BUB3: variants seen among roughly 807,000 people sequenced by gnomAD.
BUB3 encodes the protein mitotic checkpoint protein BUB3.
In BUB3, 22 loss-of-function variants were observed where a neutral mutation model predicts 39.9. That is an observed-to-expected ratio of 0.55 (90% CI 0.39 to 0.79). BUB3 has a LOEUF of 0.79. BUB3 is among the 30% of genes least tolerant of loss of function. The probability of loss-of-function intolerance (pLI) is 0.00; values close to 1 mark genes in which losing one functional copy is unlikely to be tolerated. For missense variants in BUB3, 303 were observed against 415.4 expected (o/e 0.73, Z 2.35); for synonymous variants, 168 against 155.1 (o/e 1.08, Z -0.62).
chr10:123,155,668 A>C lies in BUB3; in HGVS notation c.206A>C (p.His69Pro). The change falls in exon 3 of 8, where the codon CAT becomes CCT. Residue 69 changes from histidine (H) to proline (P), a missense_variant. Physicochemically the swap from His to Pro is moderately conservative, Grantham distance 77 (BLOSUM62 -2). This residue lies in a region of BUB3 where 121 missense variants were observed against 122.3 expected (regional missense o/e 0.99). Coordinates refer to ENST00000368865, the MANE Select transcript of BUB3 (RefSeq NM_004725.4). ...VLDCAFYDPTHAWSGGLDHQL... is the reference protein window; with the variant it reads ...VLDCAFYDPTPAWSGGLDHQL... ...AAAACTATTTTATAGGATCCAACGC[A>C]TGCCTGGAGTGGAGGACTAGATCAT... 1 of 1,614,110 alleles carries C rather than the reference A, an allele frequency of 6.2e-7. No homozygotes were observed. Among genetic ancestry groups the C allele is most frequent in the Non-Finnish European group, 8.5e-7 (1 of 1,179,950 alleles).
At position 123,165,290 on chromosome 10, in the gene BUB3, A is replaced by G. The variant is rs576293332; in HGVS notation, c.*1455A>G. 1 of 463,466 alleles carries G rather than the reference A, an allele frequency of 2.2e-6. No homozygotes were observed. Among genetic ancestry groups the G allele is most frequent in the African/African-American group, 1.9e-5 (1 of 51,360 alleles). 28.7% of individuals were successfully genotyped at this position (463,466 alleles called of 1,614,324 possible). On this transcript the variant is annotated 3_prime_UTR_variant, in exon 8 of 8. Coordinates refer to ENST00000368865, the MANE Select transcript of BUB3 (RefSeq NM_004725.4). ...TAGTAAGCCCAGTTGCTGTATCTGA[A>G]CAGTTTGAGCTCTTTTTGTAATATA...
intron 2 of BUB3, 46 bp from the exon 3 acceptor site, chr10:123,155,612 C>G: frequency 6.5e-7 from 1 of 1,539,344 alleles, no homozygotes; most frequent in Non-Finnish European, 9.0e-7. Flanking sequence ...ATGTTGAAAC[C>G]CTTTCAAAAG....
chr10:123,164,066 A>G lies in BUB3; in HGVS notation c.*231A>G, dbSNP rs570381384. The G allele has an allele frequency of 2.4e-5, 29 of 1,208,224 alleles. No individual in the cohort carries two copies. Among genetic ancestry groups the G allele is most frequent in the African/African-American group, 3.1e-5 (2 of 63,586 alleles). 74.8% of individuals were successfully genotyped at this position (1,208,224 alleles called of 1,614,324 possible). A position where few individuals can be genotyped will look rare whatever the true frequency, so the allele number is the denominator to read the frequency against. ...CATTAAAGGTATTTGGGCAAACAAA[A>G]TTGGAGGGCAAGTGACTGCAGTTTT... On this transcript the variant is annotated 3_prime_UTR_variant, in exon 8 of 8. Coordinates refer to ENST00000368865, the MANE Select transcript of BUB3 (RefSeq NM_004725.4).
chr10:123,157,392 A>G (rs1844363621), intron 3 of BUB3, among the ~76,000 whole-genome samples: 1 of 152,274 alleles, frequency 6.6e-6, no homozygotes, highest in Non-Finnish European at 1.5e-5. Context: ...CAGAGATCAC[A>G]GAGGTAAACG....
intron 2 of BUB3, among the ~76,000 whole-genome samples, chr10:123,155,445 G>C (rs945230523): frequency 1.3e-5 from 2 of 152,190 alleles, no homozygotes; most frequent in African/African-American, 4.8e-5. Flanking sequence ...CTCAGCTAGC[G>C]TGTTGGCTAG....
chr10:123,154,823 C>T (rs1476049584), intron 1 of BUB3, 95 bp from the exon 2 acceptor site: 3 of 1,353,740 alleles, frequency 2.2e-6, no homozygotes, highest in Non-Finnish European at 3.0e-6. Flanking sequence ...GTCGTCCTCT[C>T]GGCCCCTCCC....
intron 4 of BUB3, among the ~76,000 whole-genome samples, chr10:123,159,349 A>G (rs1844388964): frequency 6.6e-6 from 1 of 152,212 alleles, no homozygotes; most frequent in Admixed American, 6.5e-5. Flanking sequence ...TGTTGAAGAG[A>G]CATCATCTTA....
At chr10:123,162,556 G>A (rs1388364076) in intron 6 of BUB3, 56 bp from the exon 7 acceptor site, 5 of 1,550,664 alleles carry the variant, frequency 3.2e-6, no homozygotes, top group East Asian at 2.3e-5. Context: ...TAAGAGAATG[G>A]TTATTTCTGT....
intron 4 of BUB3, among the ~76,000 whole-genome samples, chr10:123,159,302 ATAC>A (rs1844388713): frequency 6.6e-6 from 1 of 152,234 alleles, no homozygotes. Context: ...TGTGGTTAAC[ATAC>A]TAGTGATTAT....
intron 3 of BUB3, among the ~76,000 whole-genome samples, chr10:123,157,521 G>T (rs1204042827): frequency 2.6e-5 from 4 of 152,248 alleles, no homozygotes; most frequent in Admixed American, 6.5e-5. Flanking sequence ...GTCATGTGAA[G>T]TGTGCACTGT....
Position 123,162,428 on chromosome 10 carries a change from G to A in BUB3, c.754+15G>A, listed in dbSNP as rs1456726560. 6.2e-7 allele frequency: 1 copy of A among 1,609,816 alleles called. No individual in the cohort carries two copies. The highest frequency in any genetic ancestry group is 8.5e-7 in the Non-Finnish European group (1 of 1,178,122). ...ATTTGCCACAGGTAAAGTATGGCAT[G>A]CTGACCTATATTTAATTATTATACT... On this transcript the variant is annotated intron_variant, in intron 6 of 7. Transcript: ENST00000368865.
chr10:123,157,673 T>C, intron 3 of BUB3, 56 bp from the exon 4 acceptor site: 1 of 1,477,204 alleles, frequency 6.8e-7, no homozygotes, highest in Non-Finnish European at 9.1e-7. Context: ...TAGGAATCTT[T>C]AGTAAAGGTA....
chr10:123,169,461 A>G lies in BUB3; in HGVS notation c.*5626A>G, dbSNP rs999011990. On this transcript the variant is annotated 3_prime_UTR_variant, in exon 8 of 8. Coordinates refer to ENST00000368865, the MANE Select transcript of BUB3 (RefSeq NM_004725.4). ...TGCTGTGATACCACAACGTGGCCAC[A>G]TTTTGTTTTCAAGACCTTGGCCAAC... The G allele has an allele frequency of 5.3e-5, 8 of 152,232 alleles. No individual in the cohort carries two copies. The highest frequency in any genetic ancestry group is 1.9e-4 in the African/African-American group (8 of 41,464). The allele number at this position is 152,232 out of a possible 1,614,324, so 9.4% of individuals were successfully genotyped here. A position where few individuals can be genotyped will look rare whatever the true frequency, so the allele number is the denominator to read the frequency against.
At chr10:123,160,371 A>G (rs1425536451) in intron 4 of BUB3, 36 bp from the exon 5 acceptor site, 1 of 1,472,082 alleles carries the variant, frequency 6.8e-7, no homozygotes, top group South Asian at 1.4e-5. Context: ...TCAGGCAAGA[A>G]GGTGATTTTT....
At chr10:123,160,605 AT>A in intron 5 of BUB3, 40 bp downstream of exon 5, 1 of 1,492,100 alleles carries the variant, frequency 6.7e-7, no homozygotes, top group Non-Finnish European at 8.9e-7. Context: ...GAATTTGAAA[AT>A]AATATGATCT....
chr10:123,155,469 T>C (rs531748011), intron 2 of BUB3, among the ~76,000 whole-genome samples, 189 bp from the exon 3 acceptor site: 1 of 152,366 alleles, frequency 6.6e-6, no homozygotes, highest in Non-Finnish European at 1.5e-5. Flanking sequence ...AAAGCAGCCC[T>C]CCTTTAATTT....
chr10:123,162,316 T>C lies in BUB3; in HGVS notation c.657T>C (p.Tyr219=). ...DPSPEVQKKK[Y]AFKCHRLKEN... ...GCCCTGAGGTACAGAAGAAGAAGTA[T>C]GCCTTCAAATGTCACAGACTAAAAG... Residue 219 remains tyrosine (Y), a synonymous_variant, in exon 6 of 8, where the codon TAT becomes TAC. Coordinates refer to ENST00000368865, the MANE Select transcript of BUB3 (RefSeq NM_004725.4). 6.2e-7 allele frequency: 1 copy of C among 1,614,118 alleles called. No individual in the cohort carries two copies. The highest frequency in any genetic ancestry group is 8.5e-7 in the Non-Finnish European group (1 of 1,179,960).
chr10:123,160,149 T>A (rs1245582606), intron 4 of BUB3, among the ~76,000 whole-genome samples: 2 of 152,224 alleles, frequency 1.3e-5, no homozygotes, highest in Non-Finnish European at 2.9e-5. Flanking sequence ...GAATTAAGAC[T>A]TCAAAAGCTC....
Position 123,162,726 on chromosome 10 carries a change from C to T in BUB3, c.869C>T (p.Thr290Met), listed in dbSNP as rs151202304. 18 of 1,613,838 alleles carry T rather than the reference C, an allele frequency of 1.1e-5. No individual in the cohort carries two copies. In the East Asian group the frequency reaches 2.2e-4, roughly 20 times the overall value. ...ASLAFSNDGT[T>M]LAIASSYMYE... ...CTTGCCTTCAGTAATGATGGGACTA[C>T]GCTTGCAATAGCGTCATCATATATG... is the stretch of plus-strand genomic sequence containing the variant. The change falls in exon 7 of 8, where the codon ACG (threonine) becomes ATG (methionine). Residue 290 changes from threonine to methionine, a missense_variant. By Grantham distance (81) the Thr-to-Met change is moderately conservative. Around this residue, in one of 2 missense-constraint regions of BUB3, gnomAD observed 182 missense variants for 293.1 expected, o/e 0.62. Transcript: ENST00000368865.
Sources: allele counts gnomAD v4.1 joint callset (sites outside exome capture counted in the v4.1 genomes callset), GRCh38; gene constraint gnomAD v4.1.1; regional missense constraint gnomAD v4.1.1; transcripts MANE v1.5; gene names NCBI Gene and HGNC (gene_info 2026-07-23, HGNC 2026-07-21).